The following APLF variants were observed in gnomAD, a reference collection of about 807,000 sequenced individuals.
APLF encodes the protein aprataxin and PNK-like factor.
APLF carries 61 observed loss-of-function variants against 55.6 expected under a neutral mutation model. That is an observed-to-expected ratio of 1.10 (90% CI 0.89 to 1.36). The LOEUF (loss-of-function observed/expected upper bound fraction) is 1.36. Ranked by LOEUF, APLF falls within the 40% of genes most tolerant of loss-of-function variation. The pLI, the probability that APLF is intolerant of heterozygous loss-of-function variation, is 0.00. For synonymous variants in APLF, 207 were observed against 214.8 expected (o/e 0.96, Z 0.32); for missense variants, 611 against 602.5 (o/e 1.01, Z -0.15).
intron 2 of APLF, among the ~76,000 whole-genome samples, chr2:68,496,525 C>T (rs1382904378): frequency 6.6e-6 from 1 of 152,194 alleles, no homozygotes; most frequent in Non-Finnish European, 1.5e-5. Context: ...ACAAATTTAT[C>T]AAGCTTTTGC....
chr2:68,488,460 A>G (rs895014200), intron 1 of APLF, among the ~76,000 whole-genome samples: 1 of 150,386 alleles, frequency 6.6e-6, no homozygotes, highest in Non-Finnish European at 1.5e-5. Flanking sequence ...CCTCCCAAGT[A>G]TTAATATTTG....
chr2:68,478,930 GA>G (rs540213127), intron 1 of APLF, among the ~76,000 whole-genome samples: 237 of 152,338 alleles, frequency 1.6e-3, no homozygotes, highest in African/African-American at 5.6e-3. Flanking sequence ...TGTACAAAGA[GA>G]AGGTGTAGAC....
rs182594416 is a variant in APLF at position 68,579,197 on chromosome 2, A to C, written c.*1175A>C. 3.9e-6 allele frequency: 3 copies of C among 760,742 alleles called. No homozygotes were observed. In the African/African-American group the frequency reaches 5.7e-5, roughly 14 times the overall value. 47.1% of individuals were successfully genotyped at this position (760,742 alleles called of 1,614,324 possible). A position where few individuals can be genotyped will look rare whatever the true frequency, so the allele number is the denominator to read the frequency against. Reference sequence around the variant, plus strand: ...TAATATTTTCTCATTGCTTTAAAATATATCTCCCAGTAATTATACAATATT... The same window carrying C: ...TAATATTTTCTCATTGCTTTAAAATCTATCTCCCAGTAATTATACAATATT... On this transcript the variant is annotated 3_prime_UTR_variant, in exon 10 of 10. Transcript: ENST00000303795.
In APLF at chr2:68,578,393, A is replaced by C. The variant is rs1488688275; in HGVS notation, c.*371A>C. On this transcript the variant is annotated 3_prime_UTR_variant, in exon 10 of 10. Transcript: ENST00000303795. ...GATTATGGAGTACTCTGCAAGTATA[A>C]CCAGGCAAAGTACATGAAAACATGC... 3.0e-6 allele frequency: 3 copies of C among 999,208 alleles called. No individual in the cohort carries two copies. The highest frequency in any genetic ancestry group is 3.6e-6 in the Non-Finnish European group (3 of 838,508). 61.9% of individuals were successfully genotyped at this position (999,208 alleles called of 1,614,324 possible). A position where few individuals can be genotyped will look rare whatever the true frequency, so the allele number is the denominator to read the frequency against.
chr2:68,565,508 C>CAGAT (rs71395978), intron 8 of APLF, among the ~76,000 whole-genome samples: 5,758 of 146,404 alleles, frequency 0.039, 288 homozygotes, highest in African/African-American at 0.12. Flanking sequence ...GACAGATAGA[C>CAGAT]AGATAGATAC....
intron 5 of APLF, among the ~76,000 whole-genome samples, chr2:68,519,156 C>A (rs1162160589): frequency 7.5e-6 from 1 of 132,964 alleles, no homozygotes; most frequent in African/African-American, 2.8e-5. Context: ...TATATAAAGA[C>A]TTGACCAAAA....
intron 2 of APLF, among the ~76,000 whole-genome samples, chr2:68,493,794 T>G (rs1676447744): frequency 6.6e-6 from 1 of 152,122 alleles, no homozygotes; most frequent in Non-Finnish European, 1.5e-5. Context: ...TGAAACCCTG[T>G]CTCTACTTAA....
intron 5 of APLF, among the ~76,000 whole-genome samples, chr2:68,519,075 A>G (rs968778488): frequency 1.6e-5 from 2 of 124,096 alleles, no homozygotes; most frequent in Non-Finnish European, 3.3e-5. Context: ...TATAATAATA[A>G]TATAATATAT....
rs958395451 is a variant in APLF, at chr2:68,578,840, G to A, written c.*818G>A. The A allele has an allele frequency of 2.0e-6, 2 of 985,140 alleles. No individual in the cohort carries two copies. The highest frequency in any genetic ancestry group is 6.2e-5 in the Admixed American group (1 of 16,228). The allele number at this position is 985,140 out of a possible 1,614,324, so 61.0% of individuals were successfully genotyped here. On this transcript the variant is annotated 3_prime_UTR_variant, in exon 10 of 10. Transcript: ENST00000303795. The stretch of plus-strand genomic sequence containing the variant: ...TGCCTTAGTTTTTTTGACCTCAGAT[G>A]AAAGTAGCAAGTTGTTTGCCAGTTG...
intron 3 of APLF, among the ~76,000 whole-genome samples, chr2:68,512,086 T>C (rs1669395901): frequency 1.3e-5 from 2 of 151,748 alleles, no homozygotes; most frequent in South Asian, 2.1e-4. Context: ...GTTCATCCCT[T>C]TTAAATGTGC....
intron 6 of APLF, among the ~76,000 whole-genome samples, chr2:68,534,577 C>T (rs2103998669): frequency 6.6e-6 from 1 of 152,192 alleles, no homozygotes; most frequent in East Asian, 1.9e-4. Context: ...ACATTCCCAC[C>T]ACCTCCAAAC....
chr2:68,533,716 A>T (rs1283180179), intron 6 of APLF, among the ~76,000 whole-genome samples: 1 of 152,158 alleles, frequency 6.6e-6, no homozygotes, highest in Non-Finnish European at 1.5e-5. Flanking sequence ...CTGTACCATG[A>T]AGTAGCCTAG....
At position 68,578,449 on chromosome 2, in the gene APLF, A is replaced by G; in HGVS notation, c.*427A>G. On this transcript the variant is annotated 3_prime_UTR_variant, in exon 10 of 10. Coordinates refer to ENST00000303795, the MANE Select transcript of APLF (RefSeq NM_173545.3). ...TTCATTGTTACTGAAGTAATTCTGTAAGCAGAACCAGGCTTTAAAAAATGC... is the reference window on the plus strand; with the variant it reads ...TTCATTGTTACTGAAGTAATTCTGTGAGCAGAACCAGGCTTTAAAAAATGC... The G allele has an allele frequency of 1.0e-6, 1 of 988,476 alleles. No homozygotes were observed. Among genetic ancestry groups the G allele is most frequent in the Non-Finnish European group, 1.2e-6 (1 of 832,056 alleles). 61.2% of individuals were successfully genotyped at this position (988,476 alleles called of 1,614,324 possible).
chr2:68,573,672 CAAAAA>C (rs67959075), intron 9 of APLF, among the ~76,000 whole-genome samples: 2 of 93,036 alleles, frequency 2.1e-5, no homozygotes, highest in Admixed American at 1.2e-4. Context: ...GACCTTGTCT[CAAAAA>C]AAAAAAAAAA....
At chr2:68,570,419 T>A (rs1573278771) in intron 9 of APLF, among the ~76,000 whole-genome samples, 1 of 152,002 alleles carries the variant, frequency 6.6e-6, no homozygotes, top group African/African-American at 2.4e-5. Flanking sequence ...ATTAGGTATA[T>A]CTCCTAATGC....
chr2:68,569,036 T>C (rs1671383799), intron 9 of APLF, among the ~76,000 whole-genome samples: 2 of 152,168 alleles, frequency 1.3e-5, no homozygotes, highest in Non-Finnish European at 2.9e-5. Context: ...AGATATCTAA[T>C]ACAGAATTCT....
intron 2 of APLF, among the ~76,000 whole-genome samples, chr2:68,492,480 AAAAC>A (rs1309023424): frequency 1.3e-5 from 2 of 152,228 alleles, no homozygotes; most frequent in African/African-American, 2.4e-5. Context: ...TCCGCCTCAA[AAAAC>A]AAACAAAAAA....
intron 2 of APLF, among the ~76,000 whole-genome samples, chr2:68,493,536 T>C (rs1248707501): frequency 6.6e-6 from 1 of 152,188 alleles, no homozygotes; most frequent in African/African-American, 2.4e-5. Context: ...AAACTTCGTT[T>C]ATCAAAAGAC....
At position 68,547,403 on chromosome 2, in the gene APLF, A is replaced by G. The variant is rs200447301; in HGVS notation, c.1286+2091A>G. ...GATTCTAAAATGTATATGGATTACAAAGGATAAAAATAGCCATGACAATCG... is the reference window on the plus strand; with the variant it reads ...GATTCTAAAATGTATATGGATTACAGAGGATAAAAATAGCCATGACAATCG... On this transcript the variant is annotated intron_variant, in intron 8 of 9. Coordinates refer to ENST00000303795, the MANE Select transcript of APLF (RefSeq NM_173545.3). 7.2e-5 allele frequency among the ~76,000 whole-genome samples: 11 copies of G among 151,918 alleles called. No homozygotes were observed. The East Asian group carries it at 9.6e-4, about 13-fold the overall frequency.
Sources: gnomAD v4.1 joint callset for allele counts (sites outside exome capture counted in the v4.1 genomes callset) on GRCh38, gnomAD v4.1.1 for gene constraint, MANE v1.5 for transcripts, NCBI Gene and HGNC (gene_info 2026-07-23, HGNC 2026-07-21) for gene names.